Variants in FGGY observed in about 807,000 individuals in gnomAD.
FGGY encodes the protein FGGY carbohydrate kinase domain-containing protein.
A neutral mutation model predicts 71.3 loss-of-function variants in FGGY; 72 were observed. That is an observed-to-expected ratio of 1.01 (90% CI 0.84 to 1.23). FGGY has a LOEUF of 1.23. Among genes scored for constraint, FGGY ranks in the 50% most tolerant of loss-of-function variants. The pLI, the probability that FGGY is intolerant of heterozygous loss-of-function variation, is 0.00. For synonymous variants in FGGY, 251 were observed against 250.3 expected, an observed-to-expected ratio of 1.00 and a Z score of -0.02; for missense variants, 668 against 682.3, an observed-to-expected ratio of 0.98 and a Z score of 0.23.
intron 5 of FGGY, among the ~76,000 whole-genome samples, chr1:59,442,730 G>A (rs114699777): frequency 0.027 from 4,087 of 152,214 alleles, 175 homozygotes; most frequent in African/African-American, 0.093. Context: ...CATCACCATG[G>A]TGCCCTTTAC....
At chr1:59,427,570 C>T (rs1162659359) in intron 5 of FGGY, among the ~76,000 whole-genome samples, 1 of 152,176 alleles carries the variant, frequency 6.6e-6, no homozygotes, top group Non-Finnish European at 1.5e-5. Context: ...TCTCCAGGAA[C>T]ATCTGTAGTC....
At chr1:59,668,316 C>T (rs1367030894) in intron 13 of FGGY, among the ~76,000 whole-genome samples, 1 of 152,172 alleles carries the variant, frequency 6.6e-6, no homozygotes, top group African/African-American at 2.4e-5. Context: ...CCATTCTCTC[C>T]CAGGACCCAT....
chr1:59,499,917 G>A (rs1429747476), intron 6 of FGGY, among the ~76,000 whole-genome samples: 1 of 151,858 alleles, frequency 6.6e-6, no homozygotes, highest in African/African-American at 2.4e-5. Context: ...GTATATATAT[G>A]TATGTGTGTG....
At position 59,580,390 on chromosome 1, in the gene FGGY, C is replaced by T. The variant is rs144665800; in HGVS notation, c.903+26163C>T. Among the ~76,000 whole-genome samples, 8 of 152,088 alleles carry T rather than the reference C, an allele frequency of 5.3e-5. No homozygotes were observed. The East Asian group carries it at 7.7e-4, about 15-fold the overall frequency. ...GCAAGAGTTGCTTCCCTTTACCCCC[C>T]GCCTTGTTACACCCCAGCCCCAAGT... is the stretch of plus-strand genomic sequence containing the variant. On this transcript the variant is annotated intron_variant, in intron 8 of 15. Transcript: ENST00000303721.
chr1:59,561,146 T>C (rs2095787229), intron 8 of FGGY, among the ~76,000 whole-genome samples: 1 of 152,186 alleles, frequency 6.6e-6, no homozygotes, highest in Admixed American at 6.5e-5. Flanking sequence ...TCATGGTCTC[T>C]TTAACAAGTG....
At chr1:59,705,805 GT>G (rs2097753843) in intron 14 of FGGY, among the ~76,000 whole-genome samples, 1 of 152,214 alleles carries the variant, frequency 6.6e-6, no homozygotes, top group South Asian at 2.1e-4. Context: ...CTCAATACAT[GT>G]TTGCTTTTGC....
chr1:59,729,542 G>T (rs2097997244), intron 14 of FGGY, among the ~76,000 whole-genome samples: 1 of 152,146 alleles, frequency 6.6e-6, no homozygotes, highest in African/African-American at 2.4e-5. Flanking sequence ...TGTTATAGTT[G>T]TACATGCCAG....
At chr1:59,491,261 T>A (rs2093852622) in intron 6 of FGGY, among the ~76,000 whole-genome samples, 1 of 151,302 alleles carries the variant, frequency 6.6e-6, no homozygotes, top group South Asian at 2.1e-4. Context: ...CTGTGAAGAA[T>A]GTCATTGGTA....
intron 14 of FGGY, among the ~76,000 whole-genome samples, chr1:59,746,363 C>T (rs1453235171): frequency 6.6e-6 from 1 of 152,182 alleles, no homozygotes; most frequent in Non-Finnish European, 1.5e-5. Context: ...CACATGGCAA[C>T]ACTTACCTTT....
intron 14 of FGGY, among the ~76,000 whole-genome samples, chr1:59,696,619 G>A (rs4912406): frequency 6.6e-6 from 1 of 152,074 alleles, no homozygotes; most frequent in South Asian, 2.1e-4. Context: ...CCTTCCAAGA[G>A]GCCTTTCAAT....
intron 15 of FGGY, among the ~76,000 whole-genome samples, chr1:59,760,241 C>T (rs1404062778): frequency 6.6e-6 from 1 of 152,086 alleles, no homozygotes; most frequent in Non-Finnish European, 1.5e-5. Flanking sequence ...TCAAAACTAC[C>T]GTGAGGTACC....
intron 3 of FGGY, among the ~76,000 whole-genome samples, chr1:59,340,583 T>C (rs980275827): frequency 1.3e-5 from 2 of 152,194 alleles, no homozygotes; most frequent in Non-Finnish European, 2.9e-5. Context: ...TTAAATGGTG[T>C]TGTCCTAATA....
intron 7 of FGGY, among the ~76,000 whole-genome samples, chr1:59,539,337 G>A (rs1231971281): frequency 6.6e-6 from 1 of 152,172 alleles, no homozygotes; most frequent in Non-Finnish European, 1.5e-5. Context: ...ACAAAGTTGG[G>A]AAAACTCCAT....
At chr1:59,744,249 CT>C (rs2098175104) in intron 14 of FGGY, among the ~76,000 whole-genome samples, 1 of 152,210 alleles carries the variant, frequency 6.6e-6, no homozygotes, top group East Asian at 1.9e-4. Context: ...GAGACAGAGT[CT>C]CCCTCTGTCA....
intron 4 of FGGY, among the ~76,000 whole-genome samples, chr1:59,357,548 A>C (rs1483369121): frequency 1.3e-5 from 2 of 152,192 alleles, no homozygotes; most frequent in Admixed American, 1.3e-4. Context: ...AGCCAAATGA[A>C]GTCCCTTGGA....
chr1:59,468,408 C>G (rs904506863), intron 6 of FGGY, among the ~76,000 whole-genome samples: 1 of 152,182 alleles, frequency 6.6e-6, no homozygotes, highest in African/African-American at 2.4e-5. Context: ...TGTAGCAAAT[C>G]TCTCAGAGAC....
At chr1:59,535,106 A>G (rs1345134470) in intron 7 of FGGY, among the ~76,000 whole-genome samples, 1 of 152,218 alleles carries the variant, frequency 6.6e-6, no homozygotes, top group African/African-American at 2.4e-5. Flanking sequence ...GCAGAGACAC[A>G]CATAGACTCA....
At chr1:59,565,412 G>C (rs749020291) in intron 8 of FGGY, among the ~76,000 whole-genome samples, 1 of 152,164 alleles carries the variant, frequency 6.6e-6, no homozygotes, top group Non-Finnish European at 1.5e-5. Flanking sequence ...AGCCTCCTGA[G>C]TAGCTGGGAC....
intron 5 of FGGY, among the ~76,000 whole-genome samples, chr1:59,387,448 A>G (rs1174793298): frequency 6.6e-6 from 1 of 152,028 alleles, no homozygotes; most frequent in Non-Finnish European, 1.5e-5. Context: ...TCTTATATTT[A>G]TCAACCACTT....
Sources: allele counts gnomAD v4.1 joint callset (sites outside exome capture counted in the v4.1 genomes callset), GRCh38; gene constraint gnomAD v4.1.1; transcripts MANE v1.5; gene names NCBI Gene and HGNC (gene_info 2026-07-23, HGNC 2026-07-21).